EHD2: variants seen among roughly 807,000 people sequenced by gnomAD.
EHD2 encodes EH domain containing 2.
A neutral mutation model predicts 41.0 loss-of-function variants in EHD2; 27 were observed. The observed-to-expected ratio is 0.66, with a 90% CI of 0.49 to 0.91. The LOEUF (loss-of-function observed/expected upper bound fraction) is 0.91. Ranked by LOEUF, EHD2 falls within the 40% of genes least tolerant of loss-of-function variation. The pLI is 0.00. For synonymous variants in EHD2, 342 were observed against 341.0 expected (o/e 1.00, Z -0.03); for missense variants, 673 against 773.9 (o/e 0.87, Z 1.55).
chr19:47,741,289 C>T lies in EHD2; in HGVS notation c.1489C>T (p.Arg497Cys), dbSNP rs758433046. Reference protein sequence around the residue: ...GRIWKLSDVDRDGMLDDEEFA... With the variant: ...GRIWKLSDVDCDGMLDDEEFA... ...CATCTGGAAGCTCAGCGATGTGGAC[C>T]GCGACGGCATGCTGGATGATGAGGA... The change falls in exon 6 of 6, where the codon CGC becomes TGC. Residue 497 changes from arginine to cysteine, a missense_variant. Coordinates refer to ENST00000263277, the MANE Select transcript of EHD2 (RefSeq NM_014601.4). This position sits in a 1 kb window ranked among gnomAD's most constrained non-coding sequence, Gnocchi z 4.5. 23 of 1,613,922 alleles carry T rather than the reference C, an allele frequency of 1.4e-5. No individual in the cohort carries two copies. The highest frequency in any genetic ancestry group is 1.6e-4 in the Middle Eastern group (1 of 6,084).
At chr19:47,740,615 G>A (rs541241614) in intron 5 of EHD2, among the ~76,000 whole-genome samples, 20 of 152,032 alleles carry the variant, frequency 1.3e-4, no homozygotes, top group Non-Finnish European at 2.1e-4. Flanking sequence ...GCATGGTGGC[G>A]CATGCCTGTA....
At position 47,736,548 on chromosome 19, in the gene EHD2, A is replaced by G; in HGVS notation, c.1080+15A>G. 6.4e-7 allele frequency: 1 copy of G among 1,567,556 alleles called. No homozygotes were observed. Among genetic ancestry groups the G allele is most frequent in the Non-Finnish European group, 8.7e-7 (1 of 1,155,510 alleles). The stretch of plus-strand genomic sequence containing the variant: ...AGAAAATGCAGGTGGGAAGCTGCCC[A>G]GGAGGGAATGTTGGGGGTGGGTGAT... On this transcript the variant is annotated intron_variant, in intron 5 of 5. Transcript: ENST00000263277.
At position 47,726,114 on chromosome 19, in the gene EHD2, C is replaced by A. The variant is rs757175078; in HGVS notation, c.805C>A (p.Arg269Ser). The change falls in exon 4 of 6, where the codon CGC (arginine) becomes AGC (serine). Residue 269 changes from arginine (R) to serine (S), a missense_variant. Coordinates refer to ENST00000263277, the MANE Select transcript of EHD2 (RefSeq NM_014601.4). ...SQPLLVPDNRRLFELEEQDLF... is the reference protein window; with the variant it reads ...SQPLLVPDNRSLFELEEQDLF... ...GCCCCTCCTCGTGCCCGACAACCGG[C>A]GCCTCTTCGAGCTGGAGGAGCAGGA... is the stretch of plus-strand genomic sequence containing the variant. 6.3e-7 allele frequency: 1 copy of A among 1,575,060 alleles called. No individual in the cohort carries two copies.
At chr19:47,740,128 G>A (rs1461279417) in intron 5 of EHD2, among the ~76,000 whole-genome samples, 1 of 152,186 alleles carries the variant, frequency 6.6e-6, no homozygotes, top group Non-Finnish European at 1.5e-5. Context: ...CACTTTAGGA[G>A]GTTGCGGTGG....
At chr19:47,739,386 A>G (rs1380471847) in intron 5 of EHD2, among the ~76,000 whole-genome samples, 1 of 142,522 alleles carries the variant, frequency 7.0e-6, no homozygotes, top group African/African-American at 2.6e-5. Flanking sequence ...AGATTGCCTG[A>G]GGTCAGGAGT....
chr19:47,725,442 G>A (rs1021914846), intron 3 of EHD2, among the ~76,000 whole-genome samples: 2 of 150,732 alleles, frequency 1.3e-5, no homozygotes, highest in Admixed American at 1.3e-4. Context: ...GGTGATGCGC[G>A]CCTGCAGTCC....
chr19:47,715,249 T>G (rs1973613627), intron 1 of EHD2, among the ~76,000 whole-genome samples: 1 of 151,906 alleles, frequency 6.6e-6, no homozygotes, highest in Non-Finnish European at 1.5e-5. Flanking sequence ...CAGGCAACCT[T>G]CTCAGCTCCA....
In EHD2 at chr19:47,713,654, C is replaced by G. The variant is rs1260978063; in HGVS notation, c.-56+116C>G. 6 of 153,218 alleles carry G rather than the reference C, an allele frequency of 3.9e-5. No individual in the cohort carries two copies. In the Admixed American group the frequency reaches 3.9e-4, roughly 10 times the overall value. The allele number at this position is 153,218 out of a possible 1,614,324, so 9.5% of individuals were successfully genotyped here. A position where few individuals can be genotyped will look rare whatever the true frequency, so the allele number is the denominator to read the frequency against. The stretch of plus-strand genomic sequence containing the variant: ...CTGTCCCCAGTCTGTAACGGTCTCC[C>G]CAGGTGTCCCCCAGTCTTCACCAGT... On this transcript the variant is annotated intron_variant, in intron 1 of 5. Transcript: ENST00000263277.
At chr19:47,726,363 AAG>A in intron 4 of EHD2, 139 bp downstream of exon 4, 3 of 1,038,590 alleles carry the variant, frequency 2.9e-6, no homozygotes, top group Non-Finnish European at 4.0e-6. Flanking sequence ...GCACAGAGTG[AAG>A]CCGGGAGGAA....
At chr19:47,718,324 C>A (rs941863384) in intron 2 of EHD2, among the ~76,000 whole-genome samples, 185 bp from the exon 3 acceptor site, 1 of 150,932 alleles carries the variant, frequency 6.6e-6, no homozygotes, top group African/African-American at 2.4e-5. Context: ...TAAGTGCTCA[C>A]TGAACATGAG....
chr19:47,735,935 C>T (rs1413366637), intron 4 of EHD2, among the ~76,000 whole-genome samples: 1 of 147,298 alleles, frequency 6.8e-6, no homozygotes, highest in Non-Finnish European at 1.5e-5. Flanking sequence ...CGGTGGCTCA[C>T]ACCTGTAATC....
intron 4 of EHD2, chr19:47,731,290 A>ACATG: frequency 4.3e-5 from 4 of 93,276 alleles, no homozygotes; most frequent in African/African-American, 1.2e-4. Context: ...ATATATATAT[A>ACATG]TATATATATA....
intron 3 of EHD2, among the ~76,000 whole-genome samples, chr19:47,722,885 G>C (rs1397368981): frequency 6.6e-6 from 1 of 152,146 alleles, no homozygotes; most frequent in Non-Finnish European, 1.5e-5. Flanking sequence ...TAACTTCTCT[G>C]TGCCTCAGTT....
Position 47,740,984 on chromosome 19 carries a change from C to T in EHD2, c.1184C>T (p.Pro395Leu), listed in dbSNP as rs769973780. The change falls in exon 6 of 6, where the codon CCC becomes CTC. Residue 395 changes from proline to leucine, a missense_variant. Pro to Leu is a moderately conservative substitution (Grantham distance 98). Coordinates refer to ENST00000263277, the MANE Select transcript of EHD2 (RefSeq NM_014601.4). The part of the protein sequence containing the change: ...MLTHDIAKLM[P>L]LLRQEELEST... ...ACGCACGACATCGCCAAGCTCATGC[C>T]CCTGCTGCGGCAGGAGGAGCTGGAG... The T allele has an allele frequency of 1.2e-6, 2 of 1,612,034 alleles. No homozygotes were observed. The highest frequency in any genetic ancestry group is 1.7e-6 in the Non-Finnish European group (2 of 1,179,930).
intron 5 of EHD2, among the ~76,000 whole-genome samples, chr19:47,739,814 C>T (rs988232994): frequency 9.9e-5 from 15 of 150,832 alleles, no homozygotes; most frequent in Non-Finnish European, 1.8e-4. Context: ...GGGTAGAGGG[C>T]GGTTAGGGTT....
In EHD2 at chr19:47,741,426, C is replaced by T. The variant is rs750385791; in HGVS notation, c.1626C>T (p.Ala542=). ...CCAAGCGACGCCACAAGGGCTCCGCCGAGTGAGCCGGCCCCCCTCCCATGG... is the reference window on the plus strand; with the variant it reads ...CCAAGCGACGCCACAAGGGCTCCGCTGAGTGAGCCGGCCCCCCTCCCATGG... ...PPSKRRHKGS[A]E The change falls in exon 6 of 6, where the codon GCC becomes GCT. Residue 542 remains alanine (A), a synonymous_variant. Transcript: ENST00000263277. The surrounding 1 kb of genome is among the most constrained non-coding windows in gnomAD (Gnocchi z 4.5). 87 of 1,514,778 alleles carry T rather than the reference C, an allele frequency of 5.7e-5. No individual in the cohort carries two copies. Among genetic ancestry groups the T allele is most frequent in the Non-Finnish European group, 7.1e-5 (81 of 1,145,702 alleles). 93.8% of individuals were successfully genotyped at this position (1,514,778 alleles called of 1,614,324 possible).
At chr19:47,718,428 C>T (rs972896372) in intron 2 of EHD2, 81 bp from the exon 3 acceptor site, 38 of 1,274,484 alleles carry the variant, frequency 3.0e-5, no homozygotes, top group Admixed American at 4.0e-5. Flanking sequence ...CATGCGGTCC[C>T]GAGTCCCTCT....
In EHD2 at chr19:47,716,716, C is replaced by T. The variant is rs376620177; in HGVS notation, c.104C>T (p.Pro35Leu). The T allele has an allele frequency of 1.7e-5, 28 of 1,612,974 alleles. No homozygotes were observed. Among genetic ancestry groups the T allele is most frequent in the African/African-American group, 4.0e-5 (3 of 74,914 alleles). The change falls in exon 2 of 6, where the codon CCG becomes CTG. Residue 35 changes from proline (P) to leucine (L), a missense_variant. Coordinates refer to ENST00000263277, the MANE Select transcript of EHD2 (RefSeq NM_014601.4). The part of the protein sequence containing the change: ...LKELYRTKLL[P>L]LEEHYRFGAF... ...GAGCTGTACCGCACGAAGCTGCTGC[C>T]GCTGGAGGAGCACTACCGCTTTGGG...
At chr19:47,721,437 C>T (rs983691282) in intron 3 of EHD2, among the ~76,000 whole-genome samples, 2 of 151,872 alleles carry the variant, frequency 1.3e-5, no homozygotes, top group African/African-American at 2.4e-5. Context: ...CCTCAGCCTC[C>T]GGAGTAGCTG....
Sources: allele counts gnomAD v4.1 joint callset (sites outside exome capture counted in the v4.1 genomes callset), GRCh38; gene constraint gnomAD v4.1.1; non-coding constraint Gnocchi (gnomAD v3.1); transcripts MANE v1.5; gene names NCBI Gene and HGNC (gene_info 2026-07-23, HGNC 2026-07-21).